Variants in SBF1 observed in about 807,000 individuals in gnomAD.
SBF1 encodes the protein SET binding factor 1.
In SBF1, 65 loss-of-function variants were observed where a neutral mutation model predicts 215.8. The observed-to-expected ratio is 0.30, with a 90% CI of 0.25 to 0.37. The LOEUF (loss-of-function observed/expected upper bound fraction) is 0.37, where lower values mean the gene tolerates loss of function less well. Among genes scored for constraint, SBF1 ranks in the 10% least tolerant of loss-of-function variants. SBF1 has a pLI of 1.00. For synonymous variants in SBF1, 1,410 were observed against 1,122.8 expected (o/e 1.26, Z -5.11); for missense variants, 2,634 against 2,667.8 (o/e 0.99, Z 0.28).
intron 15 of SBF1, 49 bp from the exon 16 acceptor site, chr22:50,463,481 C>T: frequency 6.7e-7 from 1 of 1,494,710 alleles, no homozygotes; most frequent in Non-Finnish European, 9.0e-7. Context: ...AGAAGACCCA[C>T]TCGGGGCCCT....
Position 50,447,445 on chromosome 22 carries a change from G to A in SBF1, c.5460C>T (p.Tyr1820=), listed in dbSNP as rs778196460. 6.2e-7 allele frequency: 1 copy of A among 1,612,616 alleles called. No individual in the cohort carries two copies. The highest frequency in any genetic ancestry group is 1.1e-5 in the South Asian group (1 of 91,044). The stretch of plus-strand genomic sequence containing the variant: ...ACTCTGTGTCCACACGGTGGTCGTA[G>A]TAGCGCAGCTGGAGGAGGCCACAGA... ...VLDKTKHQLR[Y]YDHRVDTECK... The change falls in exon 40 of 41, where the codon TAC becomes TAT. Residue 1820 remains tyrosine, a synonymous_variant. Coordinates refer to ENST00000380817, the MANE Select transcript of SBF1 (RefSeq NM_002972.4).
chr22:50,462,960 G>T, intron 16 of SBF1, 22 bp from the exon 17 acceptor site: 1 of 1,601,978 alleles, frequency 6.2e-7, no homozygotes, highest in Non-Finnish European at 8.5e-7. Flanking sequence ...GCGAGAGACC[G>T]TCAGGACCTC....
Position 50,474,865 on chromosome 22 carries a change from G to T in SBF1, c.-25C>A. ...TGGCGAGGGACGCGGGGCGGCCCGA[G>T]GGGCGCGGGCGGGCTCCGCGGCTCG... On this transcript the variant is annotated 5_prime_UTR_variant, in exon 1 of 41. Coordinates refer to ENST00000380817, the MANE Select transcript of SBF1 (RefSeq NM_002972.4). 1 of 1,369,986 alleles carries T rather than the reference G, an allele frequency of 7.3e-7. No individual in the cohort carries two copies. The highest frequency in any genetic ancestry group is 1.5e-5 in the South Asian group (1 of 65,186). 84.9% of individuals were successfully genotyped at this position (1,369,986 alleles called of 1,614,324 possible).
Position 50,447,342 on chromosome 22 carries a change from CCA to C in SBF1, c.5561_5562del (p.Val1854GlyfsTer7). 1.2e-6 allele frequency: 2 copies of C among 1,614,102 alleles called. No homozygotes were observed. Among genetic ancestry groups the C allele is most frequent in the East Asian group, 2.2e-5 (1 of 44,884 alleles). On this transcript the variant is annotated frameshift_variant, in exon 40 of 41. Coordinates refer to ENST00000380817, the MANE Select transcript of SBF1 (RefSeq NM_002972.4). LOFTEE classifies it high-confidence loss of function. ...CTCACGTCAAAGAAGGCCTTCTCGT[CCA>C]CAGTCTTAGGGGCACCCATAGTGGG... Reference protein sequence around the residue: ...GTPTMGAPKTVDEKAFFDVKT... With the variant: ...GTPTMGAPKTXDEKAFFDVKT...
At chr22:50,457,247 T>C in intron 28 of SBF1, 136 bp from the exon 29 acceptor site, 1 of 633,490 alleles carries the variant, frequency 1.6e-6, no homozygotes, top group Non-Finnish European at 2.4e-6. Context: ...CCCAAGTCCC[T>C]GATCGCAGGA....
At chr22:50,463,053 C>CAGAG in intron 16 of SBF1, 115 bp from the exon 17 acceptor site, 1 of 1,223,110 alleles carries the variant, frequency 8.2e-7, no homozygotes, top group Non-Finnish European at 1.2e-6. Context: ...ACCCTTGGCT[C>CAGAG]CAGCTCCCCA....
intron 29 of SBF1, 121 bp from the exon 30 acceptor site, chr22:50,456,794 C>A (rs2067271352): frequency 1.1e-6 from 1 of 880,006 alleles, no homozygotes; most frequent in Non-Finnish European, 1.7e-6. Flanking sequence ...TTGGCAGGAC[C>A]CCAGCAGGGC....
chr22:50,457,759 G>A (rs1203542675), intron 28 of SBF1, among the ~76,000 whole-genome samples: 5 of 152,206 alleles, frequency 3.3e-5, no homozygotes, highest in Non-Finnish European at 5.9e-5. Context: ...AGATGCCTGG[G>A]GTCCACAGAG....
Position 50,456,259 on chromosome 22 carries a change from G to A in SBF1, c.4223C>T (p.Ala1408Val), listed in dbSNP as rs2067241821. 9.9e-6 allele frequency: 16 copies of A among 1,612,616 alleles called. No individual in the cohort carries two copies. The highest frequency in any genetic ancestry group is 1.4e-5 in the Non-Finnish European group (16 of 1,179,954). ...GTCCTCCAGTGAGCGCAGGAAGGAG[G>A]CTGGGCTGGGCTCAGCAGCGGGGCA... ...PGCPAAEPSP[A>V]SFLRSLEDSE... The change falls in exon 31 of 41, where the codon GCC becomes GTC. Residue 1408 changes from alanine to valine, a missense_variant. By Grantham distance (64) the Ala-to-Val change is moderately conservative. Transcript: ENST00000380817.
Position 50,459,452 on chromosome 22 carries a change from G to A in SBF1, c.3688+18C>T, listed in dbSNP as rs551445844. The A allele has an allele frequency of 1.1e-5, 18 of 1,611,614 alleles. No individual in the cohort carries two copies. In the African/African-American group the frequency reaches 1.2e-4, roughly 11 times the overall value. On this transcript the variant is annotated intron_variant, in intron 27 of 40. Transcript: ENST00000380817. ...TGAGATAGGGCAGGGCAGGCACAGG[G>A]CAGGACGCAGGAGGTACCTGGAGAA...
At position 50,462,897 on chromosome 22, in the gene SBF1, C is replaced by A. The variant is rs376825545; in HGVS notation, c.1941G>T (p.Leu647=). 8.1e-6 allele frequency: 13 copies of A among 1,612,840 alleles called. No individual in the cohort carries two copies. The highest frequency in any genetic ancestry group is 1.1e-5 in the Non-Finnish European group (13 of 1,179,906). The stretch of plus-strand genomic sequence containing the variant: ...GGCAGAAGGCTGTGACCAGAGGCAG[C>A]AGAGCCGCCGCAATGCCATGCTCGT... The part of the protein sequence containing the change: ...SLDEHGIAAA[L]LPLVTAFCRK... The change falls in exon 17 of 41, where the codon CTG becomes CTT. Residue 647 remains leucine, a synonymous_variant. Coordinates refer to ENST00000380817, the MANE Select transcript of SBF1 (RefSeq NM_002972.4).
rs528302299 is a variant in SBF1 at position 50,470,777 on chromosome 22, G to T, written c.56-2316C>A. 3.3e-5 allele frequency among the ~76,000 whole-genome samples: 5 copies of T among 152,336 alleles called. No individual in the cohort carries two copies. The South Asian group carries it at 1.0e-3, about 32-fold the overall frequency. On this transcript the variant is annotated intron_variant, in intron 1 of 40. Coordinates refer to ENST00000380817, the MANE Select transcript of SBF1 (RefSeq NM_002972.4). ...CTCCCCACACCCAACAAGCAAACAG[G>T]TTCCTCAGTCGGAAGTACAGGGCAC... is the stretch of plus-strand genomic sequence containing the variant.
chr22:50,447,117 G>A lies in SBF1; in HGVS notation c.*25C>T, dbSNP rs1047240548. The A allele has an allele frequency of 2.5e-6, 4 of 1,596,116 alleles. No homozygotes were observed. The highest frequency in any genetic ancestry group is 2.7e-5 in the African/African-American group (2 of 74,576). On this transcript the variant is annotated 3_prime_UTR_variant, in exon 41 of 41. Transcript: ENST00000380817. ...TAGTGGTCGGTAACGACCGGAAGCA[G>A]AGCAGCCGGGCAGGGCTGGGAGGCT...
Position 50,460,266 on chromosome 22 carries a change from C to G in SBF1, c.3283+6G>C, listed in dbSNP as rs1298903371. ...ACCACCCAGGACTCCACCCCCACCC[C>G]TCCACCTGAGATCTCGTCCTCCTGG... is the stretch of plus-strand genomic sequence containing the variant. On this transcript the variant is annotated splice_donor_region_variant and intron_variant, in intron 25 of 40. Coordinates refer to ENST00000380817, the MANE Select transcript of SBF1 (RefSeq NM_002972.4). The G allele has an allele frequency of 2.5e-6, 4 of 1,602,562 alleles. No homozygotes were observed. The highest frequency in any genetic ancestry group is 3.4e-5 in the Admixed American group (2 of 59,638).
chr22:50,452,054 C>T (rs1328363625), intron 36 of SBF1, among the ~76,000 whole-genome samples: 2 of 151,734 alleles, frequency 1.3e-5, no homozygotes, highest in Non-Finnish European at 2.9e-5. Context: ...CCTCAGCCTC[C>T]CAAAGTGCTG....
chr22:50,454,764 A>T, intron 35 of SBF1, 22 bp from the exon 36 acceptor site: 1 of 1,592,460 alleles, frequency 6.3e-7, no homozygotes, highest in African/African-American at 1.4e-5. Context: ...CCTGTGGTTG[A>T]GGACCTGGGT....
rs546749276 is a variant in SBF1, at chr22:50,454,557, G to A, written c.4998C>T (p.Asp1666=). The A allele has an allele frequency of 3.7e-6, 6 of 1,611,590 alleles. No homozygotes were observed. In the South Asian group the frequency reaches 4.4e-5, roughly 12 times the overall value. The change falls in exon 36 of 41, where the codon GAC becomes GAT. Residue 1666 remains aspartate (D), a synonymous_variant. Transcript: ENST00000380817. The part of the protein sequence containing the change: ...SRRRVVWPCY[D]SCPRAQPDAI... ...CGTCAGGCTGGGCCCGCGGGCAGCTGTCGTAACAGGGCCACACCACGCGGC... is the reference window on the plus strand; with the variant it reads ...CGTCAGGCTGGGCCCGCGGGCAGCTATCGTAACAGGGCCACACCACGCGGC...
intron 31 of SBF1, 49 bp downstream of exon 31, chr22:50,456,167 G>A: frequency 6.3e-7 from 1 of 1,588,584 alleles, no homozygotes. Context: ...TCTACCCAAG[G>A]GGAGGGCCCA....
rs1048315035 is a variant in SBF1, at chr22:50,447,088, C to T, written c.*54G>A. The T allele has an allele frequency of 2.8e-5, 43 of 1,518,636 alleles. No homozygotes were observed. Among genetic ancestry groups the T allele is most frequent in the Non-Finnish European group, 3.7e-5 (41 of 1,112,014 alleles). 94.1% of individuals were successfully genotyped at this position (1,518,636 alleles called of 1,614,324 possible). ...AACATGGCCGGGGCGGCCCTGCCCA[C>T]CCCTAGTGGTCGGTAACGACCGGAA... On this transcript the variant is annotated 3_prime_UTR_variant, in exon 41 of 41. Transcript: ENST00000380817.
Sources: gnomAD v4.1 joint callset for allele counts (sites outside exome capture counted in the v4.1 genomes callset) on GRCh38, gnomAD v4.1.1 for gene constraint, MANE v1.5 for transcripts, NCBI Gene and HGNC (gene_info 2026-07-23, HGNC 2026-07-21) for gene names.